Variants in PATJ observed in about 807,000 individuals in gnomAD.
PATJ encodes the protein PATJ crumbs cell polarity complex component.
Under a neutral mutation model 224.9 loss-of-function variants are expected in PATJ, and 190 were observed. That is an observed-to-expected ratio of 0.84 (90% CI 0.75 to 0.95). The LOEUF is 0.95. PATJ is among the 40% of genes least tolerant of loss of function. The pLI, the probability that PATJ is intolerant of heterozygous loss-of-function variation, is 0.00. For synonymous variants in PATJ, 769 were observed against 820.3 expected, an observed-to-expected ratio of 0.94 and a Z score of 1.07; for missense variants, 2,121 against 2,270.3, an observed-to-expected ratio of 0.93 and a Z score of 1.34.
chr1:61,820,156 C>T (rs546535402), intron 14 of PATJ, among the ~76,000 whole-genome samples: 1 of 151,902 alleles, frequency 6.6e-6, no homozygotes, highest in Non-Finnish European at 1.5e-5. Context: ...ATTATCCTGC[C>T]TCAGCCTCCC....
Position 61,775,315 on chromosome 1 carries a change from CT to C in PATJ, c.831del (p.Gly278GlufsTer3), listed in dbSNP as rs1214534773. 17 of 1,611,942 alleles carry C rather than the reference CT, an allele frequency of 1.1e-5. No homozygotes were observed. The highest frequency in any genetic ancestry group is 1.4e-5 in the Non-Finnish European group (17 of 1,179,234). On this transcript the variant is annotated frameshift_variant, in exon 7 of 44. Coordinates refer to ENST00000642238, the MANE Select transcript of PATJ (RefSeq NM_001350145.3). LOFTEE classifies it high-confidence loss of function. ...TSGVVVRTIV[P>X]GGLADRDGRL... ...GGCGTGGTTGTGAGGACTATAGTTCCTGGAGGATTAGCAGATCGAGTAAGTC... is the reference window on the plus strand; with the variant it reads ...GGCGTGGTTGTGAGGACTATAGTTCCGGAGGATTAGCAGATCGAGTAAGTC...
At chr1:61,923,330 G>A (rs1674608690) in intron 26 of PATJ, among the ~76,000 whole-genome samples, 1 of 152,160 alleles carries the variant, frequency 6.6e-6, no homozygotes, top group Non-Finnish European at 1.5e-5. Flanking sequence ...TTCACCATAA[G>A]AGGCATTCAG....
At chr1:61,790,792 G>A (rs917539127) in intron 8 of PATJ, among the ~76,000 whole-genome samples, 2 of 151,910 alleles carry the variant, frequency 1.3e-5, no homozygotes, top group Non-Finnish European at 2.9e-5. Context: ...GGGATTAGAG[G>A]TGTGAGCCAC....
intron 17 of PATJ, among the ~76,000 whole-genome samples, chr1:61,847,884 G>A (rs1334191595): frequency 6.6e-6 from 1 of 152,092 alleles, no homozygotes; most frequent in African/African-American, 2.4e-5. Context: ...AAAAGAAGAG[G>A]TGTTTTAAGA....
intron 31 of PATJ, among the ~76,000 whole-genome samples, chr1:62,076,224 A>G (rs971937962): frequency 3.9e-4 from 59 of 152,274 alleles, no homozygotes; most frequent in African/African-American, 1.4e-3. Context: ...ATAAGTCTCA[A>G]TTAAAAACAA....
chr1:61,959,127 A>G (rs949911292), intron 27 of PATJ, among the ~76,000 whole-genome samples: 16 of 152,124 alleles, frequency 1.1e-4, no homozygotes, highest in African/African-American at 3.9e-4. Context: ...AGGTAAAAAC[A>G]GCACTGTTCC....
At chr1:61,906,990 G>A (rs567325215) in intron 24 of PATJ, among the ~76,000 whole-genome samples, 1 of 152,094 alleles carries the variant, frequency 6.6e-6, no homozygotes, top group Non-Finnish European at 1.5e-5. Context: ...TGAATCATGG[G>A]GGTGGTTAGC....
At chr1:61,795,190 T>G (rs1482011037) in intron 9 of PATJ, among the ~76,000 whole-genome samples, 1 of 151,240 alleles carries the variant, frequency 6.6e-6, no homozygotes, top group Non-Finnish European at 1.5e-5. Context: ...TCCTCTGGGC[T>G]CTCCTGAATT....
At chr1:61,764,503 G>T (rs1646151233) in intron 3 of PATJ, among the ~76,000 whole-genome samples, 1 of 151,796 alleles carries the variant, frequency 6.6e-6, no homozygotes, top group Admixed American at 6.6e-5. Flanking sequence ...TTGGGGTCAG[G>T]GATGGCAAAT....
At position 61,775,272 on chromosome 1, in the gene PATJ, G is replaced by C. The variant is rs1192007089; in HGVS notation, c.787G>C (p.Val263Leu). ...NDGSGLGFGI[V>L]GGKTSGVVVR... ...TGGCTCTGGACTAGGTTTTGGAATA[G>C]TTGGAGGAAAAACAAGTGGCGTGGT... Residue 263 changes from valine to leucine, a missense_variant, in exon 7 of 44, where the codon GTT becomes CTT. Val to Leu is a conservative substitution (Grantham distance 32, BLOSUM62 1). Transcript: ENST00000642238. 1.9e-6 allele frequency: 3 copies of C among 1,613,986 alleles called. No individual in the cohort carries two copies. In the Admixed American group the frequency reaches 5.0e-5, roughly 27 times the overall value.
chr1:62,015,165 T>C (rs1407795663), intron 28 of PATJ, among the ~76,000 whole-genome samples: 1 of 151,580 alleles, frequency 6.6e-6, no homozygotes, highest in Non-Finnish European at 1.5e-5. Flanking sequence ...TTAGCCGGGC[T>C]TGGTGGCGGG....
At chr1:61,902,648 T>A (rs1671342405) in intron 24 of PATJ, among the ~76,000 whole-genome samples, 1 of 152,198 alleles carries the variant, frequency 6.6e-6, no homozygotes, top group Non-Finnish European at 1.5e-5. Flanking sequence ...TTTTCAAATA[T>A]ACTACTTATG....
intron 33 of PATJ, among the ~76,000 whole-genome samples, chr1:62,100,657 C>T (rs1470107751): frequency 6.6e-6 from 1 of 152,188 alleles, no homozygotes; most frequent in Non-Finnish European, 1.5e-5. Flanking sequence ...CCAGCCTCCC[C>T]TTTCTGAGTC....
intron 25 of PATJ, 126 bp from the exon 26 acceptor site, chr1:61,914,461 A>T: frequency 2.1e-6 from 1 of 480,412 alleles, no homozygotes; most frequent in Non-Finnish European, 3.9e-6. Flanking sequence ...CATCTCAGAA[A>T]AAGAAAAAAA....
intron 37 of PATJ, among the ~76,000 whole-genome samples, chr1:62,117,905 A>G (rs1301440451): frequency 1.3e-5 from 2 of 152,140 alleles, no homozygotes; most frequent in Non-Finnish European, 2.9e-5. Context: ...TCTCTGGGTT[A>G]TGGATAGGCC....
At chr1:62,148,123 A>T (rs1178182130) in intron 41 of PATJ, among the ~76,000 whole-genome samples, 161 bp from the exon 42 acceptor site, 4 of 122,486 alleles carry the variant, frequency 3.3e-5, no homozygotes, top group African/African-American at 1.4e-4. Flanking sequence ...ACTGTCTTTA[A>T]AAAAAAAAAA....
Position 62,090,812 on chromosome 1 carries a change from C to A in PATJ, c.4377+6164C>A, listed in dbSNP as rs538812232. ...CCTTTTCTGATGTTTGCATCGTATTCCTTAAACTCCTCCCTGATGTCCTTC... is the reference window on the plus strand; with the variant it reads ...CCTTTTCTGATGTTTGCATCGTATTACTTAAACTCCTCCCTGATGTCCTTC... On this transcript the variant is annotated intron_variant, in intron 33 of 43. Coordinates refer to ENST00000642238, the MANE Select transcript of PATJ (RefSeq NM_001350145.3). Among the ~76,000 whole-genome samples, 5 of 152,228 alleles carry A rather than the reference C, an allele frequency of 3.3e-5. No individual in the cohort carries two copies. The East Asian group carries it at 5.8e-4, about 18-fold the overall frequency.
rs1206661098 is a variant in PATJ at position 61,871,553 on chromosome 1, ATATATTTTTTT to A, written c.2836-3688_2836-3678del. Among the ~76,000 whole-genome samples, 28 of 25,546 alleles carry A rather than the reference ATATATTTTTTT, an allele frequency of 1.1e-3. No homozygotes were observed. The South Asian group carries it at 0.029, about 27-fold the overall frequency. The allele number at this position is 25,546 out of a possible 152,430, so 16.8% of individuals were successfully genotyped here. A position where few individuals can be genotyped will look rare whatever the true frequency, so the allele number is the denominator to read the frequency against. On this transcript the variant is annotated intron_variant, in intron 20 of 43. Transcript: ENST00000642238. ...TGTGTGTGTGTGTATATATATATATATATATTTTTTTTTTTTTTTTTTTTTTTGAGATGGAA... is the reference window on the plus strand; with the variant it reads ...TGTGTGTGTGTGTATATATATATATATTTTTTTTTTTTTTTTGAGATGGAA...
chr1:61,911,695 TTATATATA>T (rs141530445), intron 25 of PATJ, among the ~76,000 whole-genome samples: 4 of 140,616 alleles, frequency 2.8e-5, no homozygotes, highest in African/African-American at 1.0e-4. Context: ...CTATATATTT[TTATATATA>T]TATATATATA....
Sources: gnomAD v4.1 joint callset for allele counts (sites outside exome capture counted in the v4.1 genomes callset) on GRCh38, gnomAD v4.1.1 for gene constraint, MANE v1.5 for transcripts, NCBI Gene and HGNC (gene_info 2026-07-23, HGNC 2026-07-21) for gene names.